AACS: variants seen among roughly 807,000 people sequenced by gnomAD.
The protein encoded by AACS is acetoacetate-CoA ligase.
Under a neutral mutation model 83.1 loss-of-function variants are expected in AACS, and 69 were observed. That is an observed-to-expected ratio of 0.83 (90% CI 0.68 to 1.01). AACS has a LOEUF of 1.01. Among genes scored for constraint, AACS ranks in the 50% least tolerant of loss-of-function variants. The pLI is 0.00. For missense variants in AACS, 866 were observed against 882.2 expected (o/e 0.98, Z 0.23); for synonymous variants, 333 against 343.4 (o/e 0.97, Z 0.33).
intron 12 of AACS, chr12:125,126,215 C>T (rs963344063): frequency 1.3e-5 from 2 of 152,198 alleles, no homozygotes; most frequent in Non-Finnish European, 2.9e-5. Context: ...CCACCTTGGC[C>T]TCCCGAAATG....
intron 9 of AACS, among the ~76,000 whole-genome samples, chr12:125,114,797 C>T (rs1227034901): frequency 2.7e-5 from 4 of 149,258 alleles, no homozygotes; most frequent in Admixed American, 6.7e-5. Flanking sequence ...CTTCCCCAGG[C>T]GCCGGCCCGT....
chr12:125,095,395 G>A (rs899727500), intron 5 of AACS, among the ~76,000 whole-genome samples: 1 of 152,164 alleles, frequency 6.6e-6, no homozygotes, highest in Non-Finnish European at 1.5e-5. Context: ...TGTGGTATTT[G>A]AGCCCCAGAT....
intron 3 of AACS, among the ~76,000 whole-genome samples, chr12:125,081,845 G>C (rs76195205): frequency 6.6e-6 from 1 of 150,722 alleles, no homozygotes; most frequent in Non-Finnish European, 1.5e-5. Flanking sequence ...GGGCAGACGC[G>C]TACAACTCTA....
At chr12:125,111,877 G>A (rs1956960184) in intron 8 of AACS, among the ~76,000 whole-genome samples, 2 of 152,228 alleles carry the variant, frequency 1.3e-5, no homozygotes, top group South Asian at 2.1e-4. Flanking sequence ...AACTTGTTAA[G>A]AGTCACACAG....
chr12:125,134,687 TG>T, intron 15 of AACS, 106 bp from the exon 16 acceptor site: 3 of 1,256,724 alleles, frequency 2.4e-6, no homozygotes, highest in Non-Finnish European at 1.2e-6. Flanking sequence ...TGACTAGTCC[TG>T]GGGGATGCCA....
rs540341535 is a variant in AACS, at chr12:125,083,740, G to A, written c.359-2590G>A. Among the ~76,000 whole-genome samples the A allele has an allele frequency of 3.3e-5, 5 of 152,126 alleles. No individual in the cohort carries two copies. In the South Asian group the frequency reaches 6.2e-4, roughly 19 times the overall value. ...ACCATGTTGACTCACTGCAACCTCC[G>A]TCTCCTGGGTTCAAGCAATTCTCCT... is the stretch of plus-strand genomic sequence containing the variant. On this transcript the variant is annotated intron_variant, in intron 3 of 17. Transcript: ENST00000316519.
intron 8 of AACS, among the ~76,000 whole-genome samples, chr12:125,109,206 A>C (rs1021995117): frequency 6.6e-6 from 1 of 151,954 alleles, no homozygotes; most frequent in African/African-American, 2.4e-5. Context: ...ATCATGGCTC[A>C]CTGCAACCTC....
At position 125,068,127 on chromosome 12, in the gene AACS, TCTCCA is replaced by T. The variant is rs1351660491; in HGVS notation, c.133+2411_133+2415del. ...CTGGTGGCCCATGGGCCAGGTCTCA[TCTCCA>T]GACACACTGTTGAGTTGCCTGCATT... On this transcript the variant is annotated intron_variant, in intron 1 of 17. Transcript: ENST00000316519. Among the ~76,000 whole-genome samples, 11 of 152,278 alleles carry T rather than the reference TCTCCA, an allele frequency of 7.2e-5. No individual in the cohort carries two copies. The East Asian group carries it at 1.9e-3, about 27-fold the overall frequency.
chr12:125,075,181 G>A (rs1955992243), intron 2 of AACS, among the ~76,000 whole-genome samples: 1 of 149,442 alleles, frequency 6.7e-6, no homozygotes, highest in African/African-American at 2.5e-5. Flanking sequence ...CACCATGTTG[G>A]CCAGGATGGT....
intron 12 of AACS, chr12:125,127,886 C>G (rs1185826091): frequency 7.4e-6 from 2 of 268,710 alleles, no homozygotes; most frequent in African/African-American, 2.2e-5. Flanking sequence ...TCTTGAATTT[C>G]AGCATGACCA....
chr12:125,088,211 T>G (rs1956383484), intron 4 of AACS, among the ~76,000 whole-genome samples: 1 of 151,258 alleles, frequency 6.6e-6, no homozygotes, highest in Non-Finnish European at 1.5e-5. Flanking sequence ...GTTGGGCTGA[T>G]CATCAGAGCA....
Position 125,136,663 on chromosome 12 carries a change from G to A in AACS, c.1680G>A (p.Val560=), listed in dbSNP as rs1408334881. The change falls in exon 17 of 18, where the codon GTG becomes GTA. Residue 560 remains valine, a splice_region_variant and synonymous_variant. Coordinates refer to ENST00000316519, the MANE Select transcript of AACS (RefSeq NM_023928.5). ...GTGCACCCTCTCCTGTCTCCACAGT[G>A]GAATCCTTCGAGGAGGTGGAGGACA... ...RFGSSEIYNI[V]ESFEEVEDSL... The A allele has an allele frequency of 6.2e-7, 1 of 1,613,376 alleles. No individual in the cohort carries two copies. The highest frequency in any genetic ancestry group is 1.3e-5 in the African/African-American group (1 of 74,898).
At chr12:125,125,154 TCA>T in intron 12 of AACS, 130 bp downstream of exon 12, 1 of 1,377,296 alleles carries the variant, frequency 7.3e-7, no homozygotes, top group Non-Finnish European at 9.9e-7. Context: ...CAGTCCCTTC[TCA>T]TGATCTGAGG....
chr12:125,099,434 A>G (rs900252800), intron 5 of AACS, among the ~76,000 whole-genome samples: 1 of 152,186 alleles, frequency 6.6e-6, no homozygotes, highest in Admixed American at 6.5e-5. Flanking sequence ...CATCCATTCT[A>G]TCTGGATTTC....
At chr12:125,104,647 G>A (rs1441344036) in intron 7 of AACS, among the ~76,000 whole-genome samples, 2 of 152,180 alleles carry the variant, frequency 1.3e-5, no homozygotes, top group Non-Finnish European at 2.9e-5. Flanking sequence ...CTGGAGCCTG[G>A]AGGGTGCTGC....
At chr12:125,122,711 C>A (rs906740301) in intron 10 of AACS, 1 of 150,308 alleles carries the variant, frequency 6.7e-6, no homozygotes, top group Non-Finnish European at 1.5e-5. Context: ...GGGGTAGGGG[C>A]AGAAGCTGAG....
At chr12:125,077,738 G>C (rs1956063331) in intron 3 of AACS, among the ~76,000 whole-genome samples, 1 of 149,824 alleles carries the variant, frequency 6.7e-6, no homozygotes, top group African/African-American at 2.5e-5. Flanking sequence ...TTTTGAGATA[G>C]AATCTTCCTC....
At chr12:125,072,909 T>G (rs867692809) in intron 1 of AACS, among the ~76,000 whole-genome samples, 8 of 146,950 alleles carry the variant, frequency 5.4e-5, no homozygotes, top group Non-Finnish European at 1.0e-4. Flanking sequence ...CCTTTTACCA[T>G]GTAACTTTTG....
chr12:125,084,711 T>C (rs1294802330), intron 3 of AACS, among the ~76,000 whole-genome samples: 1 of 151,860 alleles, frequency 6.6e-6, no homozygotes, highest in East Asian at 1.9e-4. Context: ...CCCGAGTAGA[T>C]AGGACTATAG....
Sources: gnomAD v4.1 joint callset for allele counts (sites outside exome capture counted in the v4.1 genomes callset) on GRCh38, gnomAD v4.1.1 for gene constraint, MANE v1.5 for transcripts, NCBI Gene and HGNC (gene_info 2026-07-23, HGNC 2026-07-21) for gene names.